GPC5: variants seen among roughly 807,000 people sequenced by gnomAD.
The protein encoded by GPC5 is glypican 5.
A neutral mutation model predicts 53.9 loss-of-function variants in GPC5; 47 were observed. The observed-to-expected ratio is 0.87, with a 90% CI of 0.69 to 1.11. GPC5 has a LOEUF of 1.11. GPC5 is among the 50% of genes most tolerant of loss of function. The probability of loss-of-function intolerance (pLI) is 0.00; values close to 1 mark genes in which losing one functional copy is unlikely to be tolerated. For synonymous variants in GPC5, 286 were observed against 263.3 expected (o/e 1.09, Z -0.84); for missense variants, 748 against 713.1 (o/e 1.05, Z -0.56).
intron 5 of GPC5, among the ~76,000 whole-genome samples, chr13:91,810,883 A>C (rs2038300315): frequency 6.7e-6 from 1 of 150,328 alleles, no homozygotes; most frequent in South Asian, 2.1e-4. Flanking sequence ...TTTGAGGAAC[A>C]CCTTTCTTAT....
At chr13:91,513,291 G>C (rs914358105) in intron 2 of GPC5, among the ~76,000 whole-genome samples, 1 of 151,982 alleles carries the variant, frequency 6.6e-6, no homozygotes, top group Non-Finnish European at 1.5e-5. Flanking sequence ...TCACAACTAG[G>C]ATAATAACAT....
At chr13:91,812,646 T>G (rs1335718174) in intron 5 of GPC5, among the ~76,000 whole-genome samples, 1 of 152,222 alleles carries the variant, frequency 6.6e-6, no homozygotes, top group Non-Finnish European at 1.5e-5. Context: ...GTTTGGTATA[T>G]TCTTCAGTAT....
intron 7 of GPC5, among the ~76,000 whole-genome samples, chr13:92,743,311 A>T (rs1023335934): frequency 9.2e-5 from 14 of 152,016 alleles, no homozygotes; most frequent in African/African-American, 3.1e-4. Flanking sequence ...ATCCCTTGTA[A>T]GTTGGATTCC....
intron 7 of GPC5, among the ~76,000 whole-genome samples, chr13:92,612,175 C>G (rs1475845064): frequency 6.6e-6 from 1 of 152,066 alleles, no homozygotes; most frequent in African/African-American, 2.4e-5. Flanking sequence ...CTATTCATGG[C>G]AATCTGAATG....
chr13:92,596,761 C>T (rs191038954), intron 7 of GPC5, among the ~76,000 whole-genome samples: 38 of 152,252 alleles, frequency 2.5e-4, no homozygotes, highest in Admixed American at 1.2e-3. Context: ...CATCAGCCAC[C>T]GCGCCAGGTT....
intron 7 of GPC5, among the ~76,000 whole-genome samples, chr13:92,755,872 T>C (rs1403459592): frequency 1.2e-4 from 17 of 145,146 alleles, no homozygotes; most frequent in African/African-American, 4.3e-4. Flanking sequence ...CAGGACCAGA[T>C]GGATTCACAG....
intron 5 of GPC5, among the ~76,000 whole-genome samples, chr13:91,784,410 G>A (rs765388362): frequency 1.3e-5 from 2 of 152,048 alleles, no homozygotes; most frequent in Non-Finnish European, 2.9e-5. Context: ...ATAAAGCAGG[G>A]AAAAGTCATC....
At chr13:92,778,865 G>T (rs1340418873) in intron 7 of GPC5, among the ~76,000 whole-genome samples, 1 of 152,018 alleles carries the variant, frequency 6.6e-6, no homozygotes, top group Admixed American at 6.6e-5. Context: ...CCTGTCACTT[G>T]TTTCTGTATG....
chr13:92,485,711 C>A (rs998908977), intron 7 of GPC5, among the ~76,000 whole-genome samples: 1 of 152,224 alleles, frequency 6.6e-6, no homozygotes, highest in Non-Finnish European at 1.5e-5. Context: ...CACGTTGGCA[C>A]ATGCCTGTAA....
intron 4 of GPC5, among the ~76,000 whole-genome samples, chr13:91,752,735 G>T (rs2037205992): frequency 6.6e-6 from 1 of 152,100 alleles, no homozygotes; most frequent in Admixed American, 6.5e-5. Flanking sequence ...TATGGGTGGT[G>T]GGTCTCACGT....
At chr13:92,152,666 G>A (rs1196116336) in intron 7 of GPC5, among the ~76,000 whole-genome samples, 1 of 151,548 alleles carries the variant, frequency 6.6e-6, no homozygotes, top group East Asian at 1.9e-4. Context: ...GTGAACCCGG[G>A]AGGCCGAGCT....
At chr13:91,610,020 A>G (rs1289591122) in intron 2 of GPC5, among the ~76,000 whole-genome samples, 1 of 152,138 alleles carries the variant, frequency 6.6e-6, no homozygotes, top group Non-Finnish European at 1.5e-5. Context: ...GCAACTATTT[A>G]TTTGGTACTT....
At chr13:91,573,926 A>G (rs1211467754) in intron 2 of GPC5, among the ~76,000 whole-genome samples, 2 of 152,158 alleles carry the variant, frequency 1.3e-5, no homozygotes, top group African/African-American at 4.8e-5. Flanking sequence ...ATGTCTATCT[A>G]TGTCTATACC....
At chr13:92,832,569 T>C (rs190166647) in intron 7 of GPC5, among the ~76,000 whole-genome samples, 309 of 152,294 alleles carry the variant, frequency 2.0e-3, no homozygotes, top group Middle Eastern at 3.4e-3. Flanking sequence ...ATCACCTTGG[T>C]GAAAATGCTG....
At chr13:91,522,689 C>T (rs570566664) in intron 2 of GPC5, among the ~76,000 whole-genome samples, 15 of 152,154 alleles carry the variant, frequency 9.9e-5, no homozygotes, top group South Asian at 6.2e-4. Context: ...AACAGGCTCC[C>T]GTGTGTGATG....
At chr13:92,616,940 A>G (rs1415440924) in intron 7 of GPC5, among the ~76,000 whole-genome samples, 1 of 152,188 alleles carries the variant, frequency 6.6e-6, no homozygotes, top group Non-Finnish European at 1.5e-5. Context: ...TAAGGAAAAA[A>G]TAAAAAATAT....
At chr13:92,341,513 T>C (rs1369213564) in intron 7 of GPC5, among the ~76,000 whole-genome samples, 1 of 152,024 alleles carries the variant, frequency 6.6e-6, no homozygotes, top group African/African-American at 2.4e-5. Flanking sequence ...GCTATAAGAG[T>C]TTTAGAAACT....
rs149542567 is a variant in GPC5 at position 92,168,380 on chromosome 13, C to T, written c.1561+23391C>T. ...TAGAGCTTCCGCACAGCAAAAGAAA[C>T]TCTCATCAGAGTGAACAGGCAGCCT... On this transcript the variant is annotated intron_variant, in intron 7 of 7. Transcript: ENST00000377067. Among the ~76,000 whole-genome samples, 1,345 of 152,014 alleles carry T rather than the reference C, an allele frequency of 8.8e-3. 10 individuals carry two copies. The highest frequency in any genetic ancestry group is 0.013 in the Non-Finnish European group (860 of 67,846).
At chr13:92,758,868 T>C (rs977551417) in intron 7 of GPC5, among the ~76,000 whole-genome samples, 2 of 152,060 alleles carry the variant, frequency 1.3e-5, no homozygotes, top group Non-Finnish European at 2.9e-5. Context: ...TCCAGTCTCA[T>C]ATGTAGGTCT....
Sources: gnomAD v4.1 joint callset for allele counts (sites outside exome capture counted in the v4.1 genomes callset) on GRCh38, gnomAD v4.1.1 for gene constraint, MANE v1.5 for transcripts, NCBI Gene and HGNC (gene_info 2026-07-23, HGNC 2026-07-21) for gene names.